Variants in NR6A1 observed in about 807,000 individuals in gnomAD.
NR6A1 encodes the protein retinoic acid receptor-related testis-associated receptor.
In NR6A1, 7 loss-of-function variants were observed where a neutral mutation model predicts 59.1. That is an observed-to-expected ratio of 0.12 (90% CI 0.07 to 0.22). NR6A1 has a LOEUF of 0.22. NR6A1 is among the 10% of genes least tolerant of loss of function. The pLI is 1.00. For synonymous variants in NR6A1, 243 were observed against 236.1 expected (o/e 1.03, Z -0.27); for missense variants, 468 against 611.6 (o/e 0.77, Z 2.48).
intron 2 of NR6A1, among the ~76,000 whole-genome samples, chr9:124,642,645 A>T (rs978280157): frequency 6.6e-6 from 1 of 152,216 alleles, no homozygotes; most frequent in Admixed American, 6.5e-5. Context: ...AGAGCCATGT[A>T]ACACTGTTTC....
intron 2 of NR6A1, among the ~76,000 whole-genome samples, chr9:124,709,657 G>T (rs532533935): frequency 4.2e-4 from 64 of 152,280 alleles, no homozygotes; most frequent in East Asian, 3.7e-3. Flanking sequence ...TTTTGCACCA[G>T]GTGGGTTGGC....
At chr9:124,566,848 C>G (rs1314870000) in intron 2 of NR6A1, among the ~76,000 whole-genome samples, 3 of 152,168 alleles carry the variant, frequency 2.0e-5, no homozygotes, top group Non-Finnish European at 4.4e-5. Context: ...GTGGCTCACG[C>G]CTGTAATCCC....
intron 2 of NR6A1, among the ~76,000 whole-genome samples, chr9:124,697,338 G>C (rs2131037745): frequency 1.3e-5 from 2 of 152,234 alleles, no homozygotes; most frequent in South Asian, 4.1e-4. Context: ...GTAAAAGGCA[G>C]AACTAATTCT....
chr9:124,643,846 C>G lies in NR6A1; in HGVS notation c.143-89276G>C, dbSNP rs1836846855. Among the ~76,000 whole-genome samples the G allele has an allele frequency of 1.3e-5, 2 of 150,992 alleles. 1 individual carries two copies. Among genetic ancestry groups the G allele is most frequent in the East Asian group, 3.9e-4 (2 of 5,164 alleles). On this transcript the variant is annotated intron_variant, in intron 2 of 9. Transcript: ENST00000487099. ...AAAAAATTAAATATATTTTAAAAAT[C>G]ACTATAAATTTGTACATAGTAAAAG...
At chr9:124,639,501 C>G (rs1257515307) in intron 2 of NR6A1, among the ~76,000 whole-genome samples, 1 of 152,108 alleles carries the variant, frequency 6.6e-6, no homozygotes, top group African/African-American at 2.4e-5. Context: ...TGGCTAGTTA[C>G]CAAAAGAACC....
chr9:124,526,510 C>G (rs1309247941), intron 8 of NR6A1, among the ~76,000 whole-genome samples: 4 of 152,018 alleles, frequency 2.6e-5, no homozygotes, highest in Admixed American at 2.0e-4. Flanking sequence ...CTAAACAAAG[C>G]GAATCCTCTT....
In NR6A1 at chr9:124,562,182, T is replaced by C. The variant is rs186655186; in HGVS notation, c.143-7612A>G. ...TCATTCCTTTCTAAAAGAGCTGATA[T>C]AGTTCACTAAGTTTCAGCAAGACTA... On this transcript the variant is annotated intron_variant, in intron 2 of 9. Coordinates refer to ENST00000487099, the MANE Select transcript of NR6A1 (RefSeq NM_033334.4). Among the ~76,000 whole-genome samples, 656 of 152,320 alleles carry C rather than the reference T, an allele frequency of 4.3e-3. 3 individuals carry two copies. Among genetic ancestry groups the C allele is most frequent in the Non-Finnish European group, 5.9e-3 (401 of 68,016 alleles).
chr9:124,740,861 T>C (rs1475969558), intron 1 of NR6A1, among the ~76,000 whole-genome samples: 3 of 152,040 alleles, frequency 2.0e-5, no homozygotes, highest in Non-Finnish European at 2.9e-5. Context: ...ACCCCAAAGA[T>C]AACCCCAGCC....
At position 124,585,520 on chromosome 9, in the gene NR6A1, G is replaced by GGT. The variant is rs555348180; in HGVS notation, c.143-30952_143-30951dup. ...GATCACGCCACTGCACTCCAGCCTG[G>GGT]GTGACACAGCGAGACTCCATCTCAA... On this transcript the variant is annotated intron_variant, in intron 2 of 9. Coordinates refer to ENST00000487099, the MANE Select transcript of NR6A1 (RefSeq NM_033334.4). Among the ~76,000 whole-genome samples the GGT allele has an allele frequency of 5.5e-4, 75 of 136,612 alleles. No individual in the cohort carries two copies. In the South Asian group the frequency reaches 0.019, roughly 35 times the overall value. 89.6% of individuals were successfully genotyped at this position (136,612 alleles called of 152,430 possible). A position where few individuals can be genotyped will look rare whatever the true frequency, so the allele number is the denominator to read the frequency against.
chr9:124,646,974 C>A (rs1040263930), intron 2 of NR6A1, among the ~76,000 whole-genome samples: 6 of 152,200 alleles, frequency 3.9e-5, no homozygotes, highest in African/African-American at 1.4e-4. Context: ...AAGTGCAGTG[C>A]TGTGATCATA....
chr9:124,687,306 A>G (rs978100314), intron 2 of NR6A1, among the ~76,000 whole-genome samples: 5 of 151,036 alleles, frequency 3.3e-5, no homozygotes, highest in Non-Finnish European at 7.4e-5. Context: ...TTATTTATTT[A>G]TTTATTTATT....
chr9:124,709,151 G>A (rs1368143365), intron 2 of NR6A1, among the ~76,000 whole-genome samples: 1 of 152,120 alleles, frequency 6.6e-6, no homozygotes, highest in Non-Finnish European at 1.5e-5. Context: ...TTCCCTGTCT[G>A]CTCATTGTCC....
chr9:124,622,838 C>T (rs1836117644), intron 2 of NR6A1, among the ~76,000 whole-genome samples: 1 of 151,000 alleles, frequency 6.6e-6, no homozygotes, highest in East Asian at 1.9e-4. Context: ...AGGTGTAGAT[C>T]CTGCACAAGC....
intron 7 of NR6A1, among the ~76,000 whole-genome samples, chr9:124,533,864 T>G (rs1462255240): frequency 6.6e-6 from 1 of 151,848 alleles, no homozygotes; most frequent in Admixed American, 6.6e-5. Flanking sequence ...TTAGCCAGGA[T>G]GGTCTCAATC....
chr9:124,651,761 C>A (rs1464272516), intron 2 of NR6A1, among the ~76,000 whole-genome samples: 2 of 152,122 alleles, frequency 1.3e-5, no homozygotes, highest in African/African-American at 4.8e-5. Context: ...ACAATCAAAG[C>A]ATTAACACCG....
intron 2 of NR6A1, among the ~76,000 whole-genome samples, chr9:124,726,199 G>A (rs1010170652): frequency 1.4e-4 from 22 of 152,122 alleles, no homozygotes; most frequent in African/African-American, 5.1e-4. Flanking sequence ...TTGTTAAGTA[G>A]TGACTGTAAC....
intron 2 of NR6A1, among the ~76,000 whole-genome samples, chr9:124,618,396 T>A (rs1835962117): frequency 6.6e-6 from 1 of 151,996 alleles, no homozygotes; most frequent in Admixed American, 6.6e-5. Flanking sequence ...GGCAGGAGAA[T>A]CACTTGAACC....
At chr9:124,705,547 C>G (rs902979181) in intron 2 of NR6A1, among the ~76,000 whole-genome samples, 9 of 152,170 alleles carry the variant, frequency 5.9e-5, no homozygotes, top group African/African-American at 2.2e-4. Flanking sequence ...CTATTTGTGT[C>G]TTTAAATCTA....
chr9:124,704,672 C>T (rs144623134), intron 2 of NR6A1, among the ~76,000 whole-genome samples: 35 of 152,228 alleles, frequency 2.3e-4, no homozygotes, highest in African/African-American at 8.4e-4. Context: ...GTAAATCTTC[C>T]TCTAAGCACA....
Sources: gnomAD v4.1 joint callset for allele counts (sites outside exome capture counted in the v4.1 genomes callset) on GRCh38, gnomAD v4.1.1 for gene constraint, MANE v1.5 for transcripts, NCBI Gene and HGNC (gene_info 2026-07-23, HGNC 2026-07-21) for gene names.